The following ERC1 variants were observed in gnomAD, a reference collection of about 807,000 sequenced individuals.
The protein encoded by ERC1 is RAB6 interacting protein 2.
In ERC1, 56 loss-of-function variants were observed where a neutral mutation model predicts 132.0. The observed-to-expected ratio is 0.42, with a 90% CI of 0.34 to 0.53. The LOEUF is 0.53. Among genes scored for constraint, ERC1 ranks in the 20% least tolerant of loss-of-function variants. The probability of loss-of-function intolerance (pLI) is 0.03; values close to 1 mark genes in which losing one functional copy is unlikely to be tolerated. For missense variants in ERC1, 1,202 were observed against 1,349.9 expected, an observed-to-expected ratio of 0.89 and a Z score of 1.72; for synonymous variants, 478 against 476.1, an observed-to-expected ratio of 1.00 and a Z score of -0.05.
intron 2 of ERC1, among the ~76,000 whole-genome samples, chr12:1,082,217 G>A (rs1942301441): frequency 6.6e-6 from 1 of 151,964 alleles, no homozygotes; most frequent in Admixed American, 6.6e-5. Context: ...TAGTGGAGAC[G>A]GGGTTTTACC....
chr12:1,107,747 A>G (rs1356008485), intron 4 of ERC1, among the ~76,000 whole-genome samples: 1 of 152,178 alleles, frequency 6.6e-6, no homozygotes, highest in Non-Finnish European at 1.5e-5. Context: ...GGGTAGGGTG[A>G]AAAGGAGTAT....
rs1025078182 is a variant in ERC1, at chr12:1,236,693, G to A, written c.2352-76G>A. On this transcript the variant is annotated intron_variant, in intron 12 of 18. Coordinates refer to ENST00000360905, the MANE Select transcript of ERC1 (RefSeq NM_178040.4). Reference sequence around the variant, plus strand: ...TTTCAGCCATTCCTTATTGTCACTGGTGTAAGTCTCTAGATAAACATATTT... The same window carrying A: ...TTTCAGCCATTCCTTATTGTCACTGATGTAAGTCTCTAGATAAACATATTT... 3 of 1,418,054 alleles carry A rather than the reference G, an allele frequency of 2.1e-6. No individual in the cohort carries two copies. The African/African-American group carries it at 4.3e-5, about 20-fold the overall frequency. The allele number at this position is 1,418,054 out of a possible 1,614,324, so 87.8% of individuals were successfully genotyped here.
At chr12:990,785 AG>A (rs1005286243), upstream of ERC1, among the ~76,000 whole-genome samples, 19 of 151,620 alleles carry the variant, frequency 1.3e-4, no homozygotes, top group African/African-American at 4.6e-4. Flanking sequence ...CACGAGAAGT[AG>A]GGGGTGGGGC....
At chr12:1,064,008 C>T (rs1223204065) in intron 2 of ERC1, among the ~76,000 whole-genome samples, 1 of 152,082 alleles carries the variant, frequency 6.6e-6, no homozygotes, top group Non-Finnish European at 1.5e-5. Flanking sequence ...CTGTGAAAGA[C>T]TTTATTTCTC....
At chr12:1,121,569 G>A (rs375775630) in intron 7 of ERC1, among the ~76,000 whole-genome samples, 4 of 152,290 alleles carry the variant, frequency 2.6e-5, no homozygotes, top group Middle Eastern at 3.4e-3. Flanking sequence ...CATTCAACAC[G>A]GTTTTGGGAG....
chr12:1,231,756 T>C (rs57990987), intron 12 of ERC1, among the ~76,000 whole-genome samples: 10,188 of 152,216 alleles, frequency 0.067, 828 homozygotes, highest in African/African-American at 0.19. Flanking sequence ...AATTTTTTTT[T>C]TGAGACGGAG....
chr12:1,371,285 C>T (rs2087202228), intron 15 of ERC1, among the ~76,000 whole-genome samples: 2 of 152,144 alleles, frequency 1.3e-5, no homozygotes, highest in Admixed American at 1.3e-4. Context: ...TGGAATCGTG[C>T]AGTATTTGTC....
intron 7 of ERC1, among the ~76,000 whole-genome samples, chr12:1,139,705 AT>A (rs71687756): frequency 0.039 from 5,690 of 146,312 alleles, 111 homozygotes; most frequent in East Asian, 0.073. Context: ...AACAGGTATG[AT>A]TTTTTTTTTT....
At chr12:1,362,235 G>A (rs1044467253) in intron 15 of ERC1, among the ~76,000 whole-genome samples, 3 of 152,220 alleles carry the variant, frequency 2.0e-5, no homozygotes, top group African/African-American at 7.2e-5. Context: ...CACTGAAGCT[G>A]TGGTTGTGTA....
chr12:1,110,850 G>A (rs1394461010), intron 5 of ERC1, among the ~76,000 whole-genome samples: 3 of 151,936 alleles, frequency 2.0e-5, no homozygotes, highest in African/African-American at 7.3e-5. Context: ...TTACAGGTGC[G>A]TACCACCACA....
chr12:1,069,477 A>T (rs927452576), intron 2 of ERC1, among the ~76,000 whole-genome samples: 1 of 152,172 alleles, frequency 6.6e-6, no homozygotes, highest in African/African-American at 2.4e-5. Context: ...GGTGATCTAG[A>T]TAGGATCTAG....
At chr12:1,404,667 T>C (rs2091333333) in intron 16 of ERC1, among the ~76,000 whole-genome samples, 6 of 149,708 alleles carry the variant, frequency 4.0e-5, no homozygotes, top group Admixed American at 3.3e-4. Context: ...TTTCAACTTT[T>C]ATTTTAGATT....
chr12:1,128,250 C>T (rs142723989), intron 7 of ERC1, among the ~76,000 whole-genome samples: 23 of 152,094 alleles, frequency 1.5e-4, no homozygotes, highest in African/African-American at 5.1e-4. Flanking sequence ...GATAATAGAA[C>T]GAGAGTATAA....
At chr12:1,191,961 A>G (rs1438854611) in intron 12 of ERC1, among the ~76,000 whole-genome samples, 3 of 152,220 alleles carry the variant, frequency 2.0e-5, no homozygotes, top group African/African-American at 7.2e-5. Context: ...GAATCATGGA[A>G]TTTGTGAAAG....
rs201550576 is a variant in ERC1 at position 1,418,565 on chromosome 12, T to TTTTC, written c.3024+10340_3024+10343dup. ...ATTTCCTTCTTTTCTGAAGTCTTCATTTTCTTTCTTTCTTTCTTTCTTTCT... is the reference window on the plus strand; with the variant it reads ...ATTTCCTTCTTTTCTGAAGTCTTCATTTTCTTTCTTTCTTTCTTTCTTTCTTTCT... On this transcript the variant is annotated intron_variant, in intron 17 of 18. Coordinates refer to ENST00000360905, the MANE Select transcript of ERC1 (RefSeq NM_178040.4). 5.0e-4 allele frequency among the ~76,000 whole-genome samples: 73 copies of TTTTC among 145,374 alleles called. No homozygotes were observed. In the East Asian group the frequency reaches 5.3e-3, roughly 11 times the overall value.
rs150263401 is a variant in ERC1, at chr12:1,175,691, G to A, written c.1738-4849G>A. Among the ~76,000 whole-genome samples the A allele has an allele frequency of 1.5e-4, 23 of 152,038 alleles. No individual in the cohort carries two copies. The East Asian group carries it at 3.9e-3, about 26-fold the overall frequency. ...TGGGGTTACAGGTGCCCACCACCAC[G>A]CCTGGCTAACTTTTTGTATTTTCAG... On this transcript the variant is annotated intron_variant, in intron 8 of 18. Coordinates refer to ENST00000360905, the MANE Select transcript of ERC1 (RefSeq NM_178040.4).
At chr12:1,083,111 G>C in intron 2 of ERC1, 53 bp from the exon 3 acceptor site, 3 of 1,493,306 alleles carry the variant, frequency 2.0e-6, no homozygotes, top group Non-Finnish European at 2.7e-6. Context: ...GCTCTGATTT[G>C]CTACTTGAGG....
chr12:1,336,871 C>G (rs2083361898), intron 15 of ERC1, among the ~76,000 whole-genome samples: 2 of 151,856 alleles, frequency 1.3e-5, no homozygotes, highest in Admixed American at 1.3e-4. Context: ...AGTCTCGGCT[C>G]ACTGCAACCT....
chr12:1,242,600 C>G (rs537298184), intron 13 of ERC1, among the ~76,000 whole-genome samples: 3 of 152,226 alleles, frequency 2.0e-5, no homozygotes, highest in Admixed American at 2.0e-4. Flanking sequence ...AAAACGGAGT[C>G]AAATTCCTTA....
Sources: allele counts gnomAD v4.1 joint callset (sites outside exome capture counted in the v4.1 genomes callset), GRCh38; gene constraint gnomAD v4.1.1; transcripts MANE v1.5; gene names NCBI Gene and HGNC (gene_info 2026-07-23, HGNC 2026-07-21).